The following PODXL2 variants were observed in gnomAD, a reference collection of about 807,000 sequenced individuals.
The protein encoded by PODXL2 is podocalyxin-like protein 2.
Under a neutral mutation model 53.4 loss-of-function variants are expected in PODXL2, and 17 were observed. The observed-to-expected ratio is 0.32, with a 90% CI of 0.22 to 0.48. The LOEUF is 0.48. PODXL2 is among the 20% of genes least tolerant of loss of function. PODXL2 has a pLI of 0.99. For synonymous variants in PODXL2, 311 were observed against 306.7 expected (o/e 1.01, Z -0.15); for missense variants, 673 against 760.0 (o/e 0.89, Z 1.35).
At chr3:127,635,721 T>C (rs12386383) in intron 1 of PODXL2, among the ~76,000 whole-genome samples, 187 of 152,364 alleles carry the variant, frequency 1.2e-3, no homozygotes, top group African/African-American at 4.2e-3. Flanking sequence ...ACAGTCTCTG[T>C]TTTAACAAGC....
chr3:127,652,369 A>G (rs1253699670), intron 2 of PODXL2, among the ~76,000 whole-genome samples: 1 of 152,176 alleles, frequency 6.6e-6, no homozygotes, highest in Admixed American at 6.5e-5. Flanking sequence ...GTGACTTCAC[A>G]GTGCCATTCC....
chr3:127,637,042 C>T (rs2074581972), intron 1 of PODXL2, among the ~76,000 whole-genome samples: 2 of 152,132 alleles, frequency 1.3e-5, no homozygotes, highest in South Asian at 2.1e-4. Context: ...AGGCCTGTCT[C>T]GACCTCTTGA....
chr3:127,672,686 A>C lies in PODXL2; in HGVS notation c.*206A>C. 2 of 450,840 alleles carry C rather than the reference A, an allele frequency of 4.4e-6. No homozygotes were observed. Among genetic ancestry groups the C allele is most frequent in the East Asian group, 3.7e-5 (1 of 26,834 alleles). The allele number at this position is 450,840 out of a possible 1,614,324, so 27.9% of individuals were successfully genotyped here. A position where few individuals can be genotyped will look rare whatever the true frequency, so the allele number is the denominator to read the frequency against. On this transcript the variant is annotated 3_prime_UTR_variant, in exon 8 of 8. Coordinates refer to ENST00000342480, the MANE Select transcript of PODXL2 (RefSeq NM_015720.4). ...ACTCCCGCCCGAGGGGCAGGCCTCA[A>C]AGCCCGCCTTGGCCCCGCTTTCCCG...
intron 2 of PODXL2, among the ~76,000 whole-genome samples, chr3:127,655,738 G>A (rs368001167): frequency 1.3e-5 from 2 of 152,256 alleles, no homozygotes; most frequent in African/African-American, 4.8e-5. Flanking sequence ...GTGAGCAAGC[G>A]TTCAGTGATT....
At chr3:127,663,634 C>G (rs897743135) in intron 4 of PODXL2, among the ~76,000 whole-genome samples, 1 of 152,170 alleles carries the variant, frequency 6.6e-6, no homozygotes, top group Non-Finnish European at 1.5e-5. Flanking sequence ...CATCTTTGGC[C>G]AGGGAAAGCC....
chr3:127,633,111 G>T (rs570613775), intron 1 of PODXL2, among the ~76,000 whole-genome samples: 1 of 152,326 alleles, frequency 6.6e-6, no homozygotes, highest in Admixed American at 6.5e-5. Context: ...TTACTAATTT[G>T]GTCTTTTTCA....
At chr3:127,639,206 C>A (rs191597362) in intron 1 of PODXL2, 39 bp from the exon 2 acceptor site, 1 of 1,538,852 alleles carries the variant, frequency 6.5e-7, no homozygotes. Context: ...TGTGTCTTCT[C>A]TAGCCTCCCC....
intron 6 of PODXL2, 50 bp downstream of exon 6, chr3:127,669,252 G>A (rs1197113524): frequency 7.8e-7 from 1 of 1,277,446 alleles, no homozygotes. Flanking sequence ...GCTCCCTCCT[G>A]TCTCTGTTCC....
intron 6 of PODXL2, among the ~76,000 whole-genome samples, chr3:127,670,880 C>T (rs929044277): frequency 6.6e-6 from 1 of 152,220 alleles, no homozygotes; most frequent in African/African-American, 2.4e-5. Context: ...TACATGCCAG[C>T]AGTGAACACG....
intron 2 of PODXL2, among the ~76,000 whole-genome samples, chr3:127,652,983 C>T (rs919604237): frequency 3.3e-5 from 5 of 152,102 alleles, no homozygotes; most frequent in Admixed American, 3.3e-4. Context: ...TCCTCCCTCT[C>T]CTCTTGCCTC....
At chr3:127,653,764 C>T (rs1431856460) in intron 2 of PODXL2, among the ~76,000 whole-genome samples, 2 of 152,136 alleles carry the variant, frequency 1.3e-5, no homozygotes, top group Non-Finnish European at 2.9e-5. Flanking sequence ...TTCCGTCCAC[C>T]CCTTGCTCGG....
chr3:127,652,411 G>C (rs1463720934), intron 2 of PODXL2, among the ~76,000 whole-genome samples: 2 of 152,128 alleles, frequency 1.3e-5, no homozygotes, highest in Non-Finnish European at 2.9e-5. Context: ...GAGCCCAGGA[G>C]CCTAAGTGTT....
chr3:127,661,727 G>A (rs1470673795), intron 3 of PODXL2, among the ~76,000 whole-genome samples: 2 of 152,002 alleles, frequency 1.3e-5, no homozygotes, highest in African/African-American at 2.4e-5. Context: ...ATTAGCTACC[G>A]CACCCAGCCC....
At chr3:127,662,216 T>C in intron 3 of PODXL2, 21 bp from the exon 4 acceptor site, 6 of 1,609,994 alleles carry the variant, frequency 3.7e-6, no homozygotes, top group Non-Finnish European at 5.1e-6. Context: ...CTGTCGCCCT[T>C]CTTTCTGTCT....
rs1212278376 is a variant in PODXL2 at position 127,629,269 on chromosome 3, T to C, written c.50T>C (p.Leu17Pro). The change falls in exon 1 of 8, where the codon CTG becomes CCG. Residue 17 changes from leucine to proline, a missense_variant. Transcript: ENST00000342480. The surrounding 1 kb of genome is among the most constrained non-coding windows in gnomAD (Gnocchi z 6.4). Reference protein sequence around the residue: ...AARLPPLLSPLLLLLVGGAFL... With the variant: ...AARLPPLLSPPLLLLVGGAFL... ...CGGCTGCCGCCGCTGCTTTCGCCGC[T>C]GCTGCTTCTGCTGGTTGGGGGTGAG... 2 of 1,014,972 alleles carry C rather than the reference T, an allele frequency of 2.0e-6. No homozygotes were observed. Among genetic ancestry groups the C allele is most frequent in the East Asian group, 9.3e-5 (1 of 10,722 alleles). 62.9% of individuals were successfully genotyped at this position (1,014,972 alleles called of 1,614,324 possible).
chr3:127,667,957 C>G (rs539013390), intron 4 of PODXL2, among the ~76,000 whole-genome samples: 1 of 152,218 alleles, frequency 6.6e-6, no homozygotes, highest in African/African-American at 2.4e-5. Context: ...ATGGTGCACA[C>G]CTCTTTTGGC....
At chr3:127,644,551 G>A (rs564394210) in intron 2 of PODXL2, among the ~76,000 whole-genome samples, 1 of 152,174 alleles carries the variant, frequency 6.6e-6, no homozygotes, top group Non-Finnish European at 1.5e-5. Flanking sequence ...ACAGTGGAGG[G>A]CCCTGAAGCC....
At chr3:127,654,988 G>A (rs1211095164) in intron 2 of PODXL2, among the ~76,000 whole-genome samples, 11 of 152,058 alleles carry the variant, frequency 7.2e-5, no homozygotes, top group Admixed American at 7.2e-4. Context: ...TGTCACCCAG[G>A]CTGGAGTGCA....
chr3:127,658,167 A>T (rs1056312822), intron 2 of PODXL2, among the ~76,000 whole-genome samples: 2 of 152,212 alleles, frequency 1.3e-5, no homozygotes, highest in African/African-American at 4.8e-5. Context: ...TGGACTGGAT[A>T]GAATATTCTA....
Sources: allele counts gnomAD v4.1 joint callset (sites outside exome capture counted in the v4.1 genomes callset), GRCh38; gene constraint gnomAD v4.1.1; non-coding constraint Gnocchi (gnomAD v3.1); transcripts MANE v1.5; gene names NCBI Gene and HGNC (gene_info 2026-07-23, HGNC 2026-07-21).